The following FAM168A variants were observed in gnomAD, a reference collection of about 807,000 sequenced individuals.
FAM168A encodes protein FAM168A.
Under a neutral mutation model 28.5 loss-of-function variants are expected in FAM168A, and 3 were observed. The observed-to-expected ratio is 0.11, with a 90% confidence interval of 0.05 to 0.27. The LOEUF is 0.27. Among genes scored for constraint, FAM168A ranks in the 10% least tolerant of loss-of-function variants. The pLI, the probability that FAM168A is intolerant of heterozygous loss-of-function variation, is 1.00. For missense variants in FAM168A, 222 were observed against 311.5 expected (o/e 0.71, Z 2.16); for synonymous variants, 122 against 124.2 (o/e 0.98, Z 0.12).
intron 1 of FAM168A, among the ~76,000 whole-genome samples, chr11:73,494,028 A>C (rs1392388470): frequency 6.6e-6 from 1 of 152,214 alleles, no homozygotes; most frequent in East Asian, 1.9e-4. Flanking sequence ...CTGAAAGCAG[A>C]GTCTATTTTA....
rs1041446886 is a variant in FAM168A at position 73,570,696 on chromosome 11, T to C, written c.-19+27227A>G. Among the ~76,000 whole-genome samples the C allele has an allele frequency of 5.4e-5, 8 of 149,114 alleles. No homozygotes were observed. In the South Asian group the frequency reaches 8.5e-4, roughly 16 times the overall value. On this transcript the variant is annotated intron_variant, in intron 1 of 7. Coordinates refer to ENST00000356467, the MANE Select transcript of FAM168A (RefSeq NM_015159.3). ...CTGCAATGAATCATGATCACGTCAC[T>C]GTACTCCAGCCTGGGTGACAGAGTG...
chr11:73,520,268 T>A (rs1365800456), intron 1 of FAM168A, among the ~76,000 whole-genome samples: 1 of 152,044 alleles, frequency 6.6e-6, no homozygotes, highest in Non-Finnish European at 1.5e-5. Context: ...CAGGATGGTC[T>A]CGATCTCCTG....
chr11:73,475,873 A>G (rs1867881420), intron 1 of FAM168A, among the ~76,000 whole-genome samples: 4 of 152,208 alleles, frequency 2.6e-5, no homozygotes. Flanking sequence ...CAATGCCCAG[A>G]GTCATTGTCA....
At chr11:73,428,425 T>C (rs1030813790) in intron 3 of FAM168A, among the ~76,000 whole-genome samples, 2 of 152,226 alleles carry the variant, frequency 1.3e-5, no homozygotes, top group Admixed American at 6.5e-5. Context: ...CCTGATTCAC[T>C]GCACTCTGGT....
intron 1 of FAM168A, chr11:73,580,366 C>T: frequency 1.7e-6 from 1 of 602,822 alleles, no homozygotes; most frequent in Non-Finnish European, 3.2e-6. Context: ...AAGATAGAGC[C>T]CAGGCCAAAA....
chr11:73,435,316 T>C (rs1466485184), intron 2 of FAM168A, among the ~76,000 whole-genome samples: 1 of 152,250 alleles, frequency 6.6e-6, no homozygotes, highest in Admixed American at 6.5e-5. Flanking sequence ...TCCAGTCTCA[T>C]AGCCAAAATC....
At chr11:73,541,121 C>T (rs1456221536) in intron 1 of FAM168A, among the ~76,000 whole-genome samples, 1 of 151,924 alleles carries the variant, frequency 6.6e-6, no homozygotes, top group Non-Finnish European at 1.5e-5. Flanking sequence ...AGGAGAAGCA[C>T]CTGAACCTGC....
At chr11:73,466,711 C>T (rs1867741323) in intron 2 of FAM168A, among the ~76,000 whole-genome samples, 1 of 151,992 alleles carries the variant, frequency 6.6e-6, no homozygotes, top group African/African-American at 2.4e-5. Context: ...GTATAACAAA[C>T]ATTGTATTAC....
intron 3 of FAM168A, 128 bp from the exon 4 acceptor site, chr11:73,420,127 G>T: frequency 9.3e-7 from 1 of 1,073,534 alleles, no homozygotes; most frequent in Non-Finnish European, 1.3e-6. Flanking sequence ...AGACACATGG[G>T]ATGGTCAGCC....
At chr11:73,535,784 C>A (rs1590839693) in intron 1 of FAM168A, among the ~76,000 whole-genome samples, 1 of 144,512 alleles carries the variant, frequency 6.9e-6, no homozygotes, top group Non-Finnish European at 1.5e-5. Context: ...TGGTCTCAAA[C>A]TCCTGGGCTG....
chr11:73,426,513 T>C (rs568166659), intron 3 of FAM168A, among the ~76,000 whole-genome samples: 1 of 152,226 alleles, frequency 6.6e-6, no homozygotes. Context: ...GGCACCTCTG[T>C]GCATCACAAA....
chr11:73,484,548 C>CTATCTA (rs1868016201), intron 1 of FAM168A, among the ~76,000 whole-genome samples: 3 of 124,888 alleles, frequency 2.4e-5, no homozygotes, highest in Non-Finnish European at 4.6e-5. Flanking sequence ...ATATATCTAT[C>CTATCTA]TATATCTATA....
intron 2 of FAM168A, 115 bp downstream of exon 2, chr11:73,468,290 T>C: frequency 3.4e-6 from 3 of 895,174 alleles, no homozygotes; most frequent in Admixed American, 2.4e-5. Context: ...ATCTTCTGCA[T>C]GTTCCCAAAC....
chr11:73,548,283 T>C (rs1943785000), intron 1 of FAM168A, among the ~76,000 whole-genome samples: 1 of 152,218 alleles, frequency 6.6e-6, no homozygotes, highest in South Asian at 2.1e-4. Context: ...AAGCTGGGTA[T>C]ACATGGTAGT....
chr11:73,546,216 T>C (rs895651252), intron 1 of FAM168A, among the ~76,000 whole-genome samples: 10 of 152,242 alleles, frequency 6.6e-5, no homozygotes, highest in African/African-American at 2.4e-4. Flanking sequence ...CTGCATTTAA[T>C]TATTTGGTCA....
chr11:73,493,071 G>A (rs1395982455), intron 1 of FAM168A, among the ~76,000 whole-genome samples: 1 of 151,930 alleles, frequency 6.6e-6, no homozygotes, highest in African/African-American at 2.4e-5. Flanking sequence ...TGGGTACTAC[G>A]CTCACTACCT....
intron 1 of FAM168A, among the ~76,000 whole-genome samples, chr11:73,513,124 C>A (rs1855257185): frequency 6.6e-6 from 1 of 151,840 alleles, no homozygotes; most frequent in Non-Finnish European, 1.5e-5. Flanking sequence ...TAGTTAGCAC[C>A]ATATGACCAG....
chr11:73,433,133 C>T (rs1431783428), intron 2 of FAM168A, among the ~76,000 whole-genome samples: 3 of 134,108 alleles, frequency 2.2e-5, no homozygotes, highest in Non-Finnish European at 4.6e-5. Flanking sequence ...ATTATGTTGC[C>T]CACACTGGTC....
At chr11:73,416,901 G>A (rs1866703520) in intron 4 of FAM168A, among the ~76,000 whole-genome samples, 1 of 152,054 alleles carries the variant, frequency 6.6e-6, no homozygotes, top group Non-Finnish European at 1.5e-5. Flanking sequence ...TGACGTGATT[G>A]TGCCACTGGA....
Sources: allele counts gnomAD v4.1 joint callset (sites outside exome capture counted in the v4.1 genomes callset), GRCh38; gene constraint gnomAD v4.1.1; transcripts MANE v1.5; gene names NCBI Gene and HGNC (gene_info 2026-07-23, HGNC 2026-07-21).